Variants in PRDM5 observed in about 807,000 individuals in gnomAD.
PRDM5 encodes the protein PR domain zinc finger protein 5.
In PRDM5, 56 loss-of-function variants were observed where a neutral mutation model predicts 81.2. The ratio of observed to expected loss-of-function variants is 0.69; its 90% CI spans 0.56 to 0.86. The LOEUF (loss-of-function observed/expected upper bound fraction) is 0.86, where lower values mean the gene tolerates loss of function less well. Among genes scored for constraint, PRDM5 ranks in the 40% least tolerant of loss-of-function variants. The pLI is 0.00. For synonymous variants in PRDM5, 267 were observed against 256.4 expected (o/e 1.04, Z -0.39); for missense variants, 697 against 770.1 (o/e 0.91, Z 1.12).
At chr4:120,697,598 C>T (rs896180679) in intron 15 of PRDM5, among the ~76,000 whole-genome samples, 1 of 151,214 alleles carries the variant, frequency 6.6e-6, no homozygotes, top group Non-Finnish European at 1.5e-5. Flanking sequence ...CAGCCTCGAC[C>T]TCCCTCGACT....
At chr4:120,738,096 A>G (rs181060783) in intron 14 of PRDM5, among the ~76,000 whole-genome samples, 17 of 152,346 alleles carry the variant, frequency 1.1e-4, no homozygotes, top group Admixed American at 1.0e-3. Context: ...TGTATTTAAA[A>G]CAGCTTTAGT....
At chr4:120,821,079 T>C (rs1755197313) in intron 4 of PRDM5, 92 bp downstream of exon 4, 2 of 1,387,866 alleles carry the variant, frequency 1.4e-6, no homozygotes, top group Admixed American at 1.7e-5. Context: ...GAGAATGCCA[T>C]ATTACAAGGC....
Position 120,818,468 on chromosome 4 carries a change from C to T in PRDM5, c.535G>A (p.Glu179Lys). 1 of 1,613,694 alleles carries T rather than the reference C, an allele frequency of 6.2e-7. No individual in the cohort carries two copies. The highest frequency in any genetic ancestry group is 8.5e-7 in the Non-Finnish European group (1 of 1,179,612). ...TGGAGATGCTCAGCAAGAATATCCTCACTGGTAAAACTCGATTCACATTGA... is the reference window on the plus strand; with the variant it reads ...TGGAGATGCTCAGCAAGAATATCCTTACTGGTAAAACTCGATTCACATTGA... ...CPQCESSFTS[E>K]DILAEHLQTL... The change falls in exon 5 of 16, where the codon GAG becomes AAG. Residue 179 changes from glutamate to lysine, a missense_variant. Glu to Lys is a moderately conservative substitution (Grantham distance 56, BLOSUM62 1). Transcript: ENST00000264808.
At chr4:120,733,537 C>T (rs1161000917) in intron 14 of PRDM5, among the ~76,000 whole-genome samples, 1 of 152,178 alleles carries the variant, frequency 6.6e-6, no homozygotes, top group Admixed American at 6.5e-5. Flanking sequence ...TACCTGGTCT[C>T]CCTGGGGCAG....
intron 2 of PRDM5, chr4:120,896,677 ACACACACACAC>A (rs1764651163): frequency 7.0e-6 from 1 of 142,082 alleles, no homozygotes; most frequent in African/African-American, 2.9e-5. Context: ...ACACACACAC[ACACACACACAC>A]ATAATTTTTT....
intron 13 of PRDM5, among the ~76,000 whole-genome samples, chr4:120,756,818 T>G (rs1015886263): frequency 1.3e-5 from 2 of 152,198 alleles, no homozygotes; most frequent in Non-Finnish European, 2.9e-5. Context: ...TTATTAACAA[T>G]GAAATCCATC....
intron 13 of PRDM5, among the ~76,000 whole-genome samples, chr4:120,772,169 C>T (rs1368504671): frequency 5.9e-5 from 9 of 152,094 alleles, no homozygotes; most frequent in African/African-American, 1.2e-4. Flanking sequence ...CTACTAATCA[C>T]GGCAACTCTC....
At chr4:120,878,937 T>A (rs1222894344) in intron 2 of PRDM5, among the ~76,000 whole-genome samples, 3 of 152,080 alleles carry the variant, frequency 2.0e-5, no homozygotes, top group African/African-American at 7.2e-5. Context: ...CACTGCTGAG[T>A]GGAATGCAAA....
At chr4:120,686,600 G>C (rs1414966208) in intron 1 of PRDM5, among the ~76,000 whole-genome samples, 1 of 151,966 alleles carries the variant, frequency 6.6e-6, no homozygotes, top group Non-Finnish European at 1.5e-5. Flanking sequence ...AATTTTCAAA[G>C]AAGAAGGTAA....
chr4:120,797,139 C>G (rs1453958821), intron 10 of PRDM5, among the ~76,000 whole-genome samples: 1 of 152,004 alleles, frequency 6.6e-6, no homozygotes, highest in African/African-American at 2.4e-5. Context: ...ATATTAATAA[C>G]TTGAAGAGAA....
intron 2 of PRDM5, among the ~76,000 whole-genome samples, chr4:120,876,485 T>C (rs1762342342): frequency 6.6e-6 from 1 of 152,212 alleles, no homozygotes; most frequent in Non-Finnish European, 1.5e-5. Flanking sequence ...CCCATAAGAC[T>C]TGTGATTTTT....
At chr4:120,817,102 T>C (rs1044709587) in intron 5 of PRDM5, among the ~76,000 whole-genome samples, 178 bp from the exon 6 acceptor site, 9 of 152,212 alleles carry the variant, frequency 5.9e-5, no homozygotes, top group African/African-American at 2.4e-5. Context: ...GCAGTGTCTT[T>C]TGTATAAATA....
intron 2 of PRDM5, among the ~76,000 whole-genome samples, chr4:120,878,610 T>C (rs1408882638): frequency 6.6e-6 from 1 of 152,164 alleles, no homozygotes; most frequent in Non-Finnish European, 1.5e-5. Flanking sequence ...TGAAAGACAC[T>C]GTAAAGTGCA....
chr4:120,771,443 TATC>T (rs2149210556), intron 13 of PRDM5, among the ~76,000 whole-genome samples: 1 of 152,290 alleles, frequency 6.6e-6, no homozygotes, highest in South Asian at 2.1e-4. Context: ...TCAACTGAGT[TATC>T]ATTTAAACAT....
chr4:120,741,768 A>AAG (rs1742033974), intron 14 of PRDM5, among the ~76,000 whole-genome samples: 2 of 151,948 alleles, frequency 1.3e-5, no homozygotes, highest in Non-Finnish European at 2.9e-5. Context: ...CACCTGGCTC[A>AAG]GAGGGTCCTA....
chr4:120,887,223 C>G (rs183717914), intron 2 of PRDM5, among the ~76,000 whole-genome samples: 2 of 152,266 alleles, frequency 1.3e-5, no homozygotes, highest in Non-Finnish European at 2.9e-5. Flanking sequence ...GGATTACAGG[C>G]GTGAGCCACT....
At chr4:120,896,327 G>A (rs971162763) in intron 2 of PRDM5, 1 of 152,150 alleles carries the variant, frequency 6.6e-6, no homozygotes, top group Non-Finnish European at 1.5e-5. Context: ...TACTTGAGAT[G>A]AAATTTGTTG....
intron 13 of PRDM5, among the ~76,000 whole-genome samples, chr4:120,776,698 C>G (rs1748201415): frequency 6.6e-6 from 1 of 152,082 alleles, no homozygotes; most frequent in African/African-American, 2.4e-5. Context: ...ACAGGAAGTG[C>G]TAAGAAAAGA....
chr4:120,727,698 G>A (rs374562212), intron 14 of PRDM5, among the ~76,000 whole-genome samples: 44 of 152,258 alleles, frequency 2.9e-4, no homozygotes, highest in Admixed American at 1.6e-3. Context: ...CACTTTGGGC[G>A]GCTGAGGCGG....
Sources: allele counts gnomAD v4.1 joint callset (sites outside exome capture counted in the v4.1 genomes callset), GRCh38; gene constraint gnomAD v4.1.1; transcripts MANE v1.5; gene names NCBI Gene and HGNC (gene_info 2026-07-23, HGNC 2026-07-21).